The following HTR2C variants were observed in gnomAD, a reference collection of about 807,000 sequenced individuals.
HTR2C encodes 5-hydroxytryptamine receptor 2C.
In HTR2C, 5 loss-of-function variants were observed where a neutral mutation model predicts 21.0. That is an observed-to-expected ratio of 0.24 (90% CI 0.12 to 0.50). The LOEUF (loss-of-function observed/expected upper bound fraction) is 0.50, where lower values mean the gene tolerates loss of function less well. Among genes scored for constraint, HTR2C ranks in the 20% least tolerant of loss-of-function variants. The pLI is 0.98. For synonymous variants in HTR2C, 150 were observed against 145.3 expected (o/e 1.03, Z -0.23); for missense variants, 271 against 371.2 (o/e 0.73, Z 2.22).
At chrX:114,866,072 C>T (rs2071043261) in intron 5 of HTR2C, among the ~76,000 whole-genome samples, 1 of 111,573 alleles carries the variant, frequency 9.0e-6, no homozygotes, top group Non-Finnish European at 1.9e-5. Context: ...CTTCCTCGGC[C>T]TCCCAAAGTG....
chrX:114,806,404 T>C (rs200489149), intron 4 of HTR2C, among the ~76,000 whole-genome samples: 503 of 5,436 alleles, frequency 0.093, 12 homozygotes, highest in African/African-American at 0.21. Flanking sequence ...TGTATATATA[T>C]ACACCATATA....
intron 1 of HTR2C, among the ~76,000 whole-genome samples, chrX:114,596,213 C>A (rs1343082823): frequency 8.9e-6 from 1 of 111,892 alleles, no homozygotes; most frequent in Non-Finnish European, 1.9e-5. Context: ...GATAAGGTAG[C>A]AATGTTTGCT....
intron 4 of HTR2C, among the ~76,000 whole-genome samples, chrX:114,741,877 T>A (rs1466597136): frequency 1.8e-5 from 2 of 110,058 alleles, no homozygotes; most frequent in Non-Finnish European, 3.8e-5. Flanking sequence ...GGAATGAGGT[T>A]CCCTTTTTTT....
chrX:114,892,794 T>C (rs1040867040), intron 5 of HTR2C, among the ~76,000 whole-genome samples: 1 of 110,620 alleles, frequency 9.0e-6, no homozygotes, highest in South Asian at 3.6e-4. Context: ...AATCTAAAAA[T>C]TAAAATATAA....
At chrX:114,894,131 C>T (rs2071278289) in intron 5 of HTR2C, among the ~76,000 whole-genome samples, 1 of 111,421 alleles carries the variant, frequency 9.0e-6, no homozygotes, top group African/African-American at 3.3e-5. Context: ...ATGCATCCAC[C>T]CTATCATCCA....
chrX:114,811,875 C>T, intron 4 of HTR2C, among the ~76,000 whole-genome samples: 1 of 111,876 alleles, frequency 8.9e-6, no homozygotes, highest in African/African-American at 3.2e-5. Flanking sequence ...GGTAAAATAA[C>T]TGTTTCTTCC....
In HTR2C at chrX:114,907,742, A is replaced by C; in HGVS notation, c.*327A>C. ...TTCTTTTGTGCATATGGCAACGTTC[A>C]TGTTCATCTCAGGTGGCATTTGCAG... On this transcript the variant is annotated 3_prime_UTR_variant, in exon 6 of 6. Transcript: ENST00000276198. 1 of 185,969 alleles carries C rather than the reference A, an allele frequency of 5.4e-6. No individual in the cohort carries two copies. Among genetic ancestry groups the C allele is most frequent in the Non-Finnish European group, 1.0e-5 (1 of 100,497 alleles). The allele number at this position is 185,969 out of a possible 1,213,427, so 15.3% of individuals were successfully genotyped here. A position where few individuals can be genotyped will look rare whatever the true frequency, so the allele number is the denominator to read the frequency against.
chrX:114,880,721 T>G (rs782805413), intron 5 of HTR2C, among the ~76,000 whole-genome samples: 1 of 111,568 alleles, frequency 9.0e-6, no homozygotes, highest in African/African-American at 3.2e-5. Flanking sequence ...GTTAGTATAA[T>G]GTTTTCAAGG....
chrX:114,796,593 A>G (rs1046943937), intron 4 of HTR2C, among the ~76,000 whole-genome samples: 3 of 111,854 alleles, frequency 2.7e-5, no homozygotes, highest in African/African-American at 6.5e-5. Flanking sequence ...GGCAAACTGC[A>G]TTTAGTTATG....
chrX:114,698,105 C>T (rs782187921), intron 2 of HTR2C, among the ~76,000 whole-genome samples: 1 of 112,317 alleles, frequency 8.9e-6, no homozygotes, highest in East Asian at 2.8e-4. Context: ...TTTCTTCTAA[C>T]GAGGCCCTTT....
At chrX:114,831,643 C>T (rs1389934918) in intron 4 of HTR2C, among the ~76,000 whole-genome samples, 26 of 107,803 alleles carry the variant, frequency 2.4e-4, no homozygotes, top group Non-Finnish European at 1.7e-4. Context: ...TCCCATTTTG[C>T]AGGTTGCTTG....
chrX:114,875,901 T>C (rs782401658), intron 5 of HTR2C, among the ~76,000 whole-genome samples: 3 of 109,930 alleles, frequency 2.7e-5, no homozygotes, highest in Admixed American at 9.8e-5. Flanking sequence ...CTTTTGTGGC[T>C]CCATACAAAT....
At chrX:114,801,184 T>C (rs148102850) in intron 4 of HTR2C, among the ~76,000 whole-genome samples, 132 of 111,645 alleles carry the variant, frequency 1.2e-3, no homozygotes, top group African/African-American at 4.1e-3. Context: ...CATACAGTAT[T>C]AACCCGTAAG....
rs782569195 is a variant in HTR2C at position 114,906,652 on chromosome X, C to G, written c.614C>G (p.Thr205Arg). 8.3e-7 allele frequency: 1 copy of G among 1,210,619 alleles called. No individual in the cohort carries two copies. The highest frequency in any genetic ancestry group is 1.1e-6 in the Non-Finnish European group (1 of 894,788). Residue 205 changes from threonine to arginine, a missense_variant, in exon 6 of 6, where the codon ACG (threonine) becomes AGG (arginine). Coordinates refer to ENST00000276198, the MANE Select transcript of HTR2C (RefSeq NM_000868.4). ...RDEEKVFVNN[T>R]TCVLNDPNFV... ...GAAGAAAAGGTGTTCGTGAACAACA[C>G]GACGTGCGTGCTCAACGACCCAAAT...
At chrX:114,600,093 G>A (rs957216655) in intron 1 of HTR2C, among the ~76,000 whole-genome samples, 13 of 111,662 alleles carry the variant, frequency 1.2e-4, no homozygotes, top group Non-Finnish European at 2.3e-4. Flanking sequence ...TACTCAGTGC[G>A]TGTTGCAAAG....
At chrX:114,775,751 G>T in intron 4 of HTR2C, 1 of 515,722 alleles carries the variant, frequency 1.9e-6, no homozygotes, top group South Asian at 2.9e-5. Context: ...CTGAATCTTG[G>T]GGATATGAGT....
chrX:114,863,327 C>T (rs1234528859), intron 5 of HTR2C, among the ~76,000 whole-genome samples: 2 of 111,220 alleles, frequency 1.8e-5, no homozygotes, highest in Non-Finnish European at 3.8e-5. Flanking sequence ...ATGAGCACTC[C>T]CCTTTGATAT....
chrX:114,886,843 T>C (rs1278240474), intron 5 of HTR2C, among the ~76,000 whole-genome samples: 1 of 111,554 alleles, frequency 9.0e-6, no homozygotes, highest in Non-Finnish European at 1.9e-5. Flanking sequence ...AGTTACCATG[T>C]AGAATCATTT....
chrX:114,802,686 CT>C (rs2070358419), intron 4 of HTR2C, among the ~76,000 whole-genome samples: 2 of 64,514 alleles, frequency 3.1e-5, no homozygotes, highest in African/African-American at 1.4e-4. Flanking sequence ...TGCTTAGATT[CT>C]TTCTTTCTTT....
Sources: gnomAD v4.1 joint callset for allele counts (sites outside exome capture counted in the v4.1 genomes callset) on GRCh38, gnomAD v4.1.1 for gene constraint, MANE v1.5 for transcripts, NCBI Gene and HGNC (gene_info 2026-07-23, HGNC 2026-07-21) for gene names.